Variants in ASXL1 observed in about 807,000 individuals in gnomAD.
The protein encoded by ASXL1 is polycomb group protein ASXL1.
Under a neutral mutation model 89.1 loss-of-function variants are expected in ASXL1, and 65 were observed. The ratio of observed to expected loss-of-function variants is 0.73; its 90% confidence interval spans 0.60 to 0.90. ASXL1 has a LOEUF of 0.90. Among genes scored for constraint, ASXL1 ranks in the 40% least tolerant of loss-of-function variants. The pLI, the probability that ASXL1 is intolerant of heterozygous loss-of-function variation, is 0.00. For synonymous variants in ASXL1, 739 were observed against 746.9 expected (o/e 0.99, Z 0.17); for missense variants, 1,786 against 1,942.9 (o/e 0.92, Z 1.52).
At chr20:32,383,793 C>G (rs2048530506) in intron 4 of ASXL1, among the ~76,000 whole-genome samples, 1 of 152,102 alleles carries the variant, frequency 6.6e-6, no homozygotes, top group Non-Finnish European at 1.5e-5. Flanking sequence ...CGCTAGTATC[C>G]CATGAAATGG....
chr20:32,433,437 G>C lies in ASXL1; in HGVS notation c.1239G>C (p.Arg413=). Reference sequence around the variant, plus strand: ...ATGGGCATTTTAAGAAACGCTCTCGGCCAGATCTCCGAACCAGAGCCAGAA... The same window carrying C: ...ATGGGCATTTTAAGAAACGCTCTCGCCCAGATCTCCGAACCAGAGCCAGAA... ...QRDGHFKKRS[R]PDLRTRARRN... Residue 413 remains arginine (R), a synonymous_variant, in exon 12 of 13, where the codon CGG becomes CGC. Coordinates refer to ENST00000375687, the MANE Select transcript of ASXL1 (RefSeq NM_015338.6). 1 of 1,614,164 alleles carries C rather than the reference G, an allele frequency of 6.2e-7. No individual in the cohort carries two copies. The highest frequency in any genetic ancestry group is 8.5e-7 in the Non-Finnish European group (1 of 1,180,038).
chr20:32,432,787 A>T, intron 10 of ASXL1, 93 bp from the exon 11 acceptor site: 1 of 1,445,208 alleles, frequency 6.9e-7, no homozygotes, highest in South Asian at 1.2e-5. Context: ...TTTAGAAGAG[A>T]CGTGTTGTTT....
At chr20:32,401,057 C>T (rs890737565) in intron 4 of ASXL1, among the ~76,000 whole-genome samples, 2 of 152,098 alleles carry the variant, frequency 1.3e-5, no homozygotes, top group Admixed American at 1.3e-4. Flanking sequence ...TCTGAGGTGT[C>T]TTTCACCCAC....
chr20:32,437,119 A>G lies in ASXL1; in HGVS notation c.4407A>G (p.Gly1469=), dbSNP rs751551731. 73 of 1,614,042 alleles carry G rather than the reference A, an allele frequency of 4.5e-5. No homozygotes were observed. Among genetic ancestry groups the G allele is most frequent in the Non-Finnish European group, 6.1e-5 (72 of 1,180,040 alleles). ...SSPTFPKGLA[G]SVVQLSHKAN... is the part of the protein sequence containing the mutation. ...CCACCTTTCCCAAAGGCCTTGCTGG[A>G]AGTGTGGTGCAGCTGAGCCACAAAG... The change falls in exon 13 of 13, where the codon GGA becomes GGG. Residue 1469 remains glycine, a synonymous_variant. Coordinates refer to ENST00000375687, the MANE Select transcript of ASXL1 (RefSeq NM_015338.6).
chr20:32,397,487 C>T (rs1187712997), intron 4 of ASXL1, among the ~76,000 whole-genome samples: 1 of 145,190 alleles, frequency 6.9e-6, no homozygotes, highest in Admixed American at 7.0e-5. Context: ...GCAGCCACTG[C>T]CTCCCGGGTT....
intron 4 of ASXL1, among the ~76,000 whole-genome samples, chr20:32,397,146 G>A (rs1462201749): frequency 7.2e-6 from 1 of 138,230 alleles, no homozygotes; most frequent in African/African-American, 2.6e-5. Context: ...CCAGGTTCAA[G>A]CAGTTCTCCT....
At chr20:32,361,328 A>T (rs1200549078) in intron 1 of ASXL1, among the ~76,000 whole-genome samples, 2 of 151,900 alleles carry the variant, frequency 1.3e-5, no homozygotes, top group East Asian at 1.9e-4. Context: ...TGGGTGATAG[A>T]GGGAGACCCT....
At chr20:32,387,408 G>T (rs2048598198) in intron 4 of ASXL1, among the ~76,000 whole-genome samples, 1 of 152,144 alleles carries the variant, frequency 6.6e-6, no homozygotes, top group Admixed American at 6.5e-5. Context: ...ATCCTTGATT[G>T]AGGTGTGATG....
chr20:32,363,550 T>C (rs994970202), intron 1 of ASXL1, among the ~76,000 whole-genome samples: 2 of 152,210 alleles, frequency 1.3e-5, no homozygotes, highest in African/African-American at 4.8e-5. Flanking sequence ...TAAACAGATA[T>C]CCCAGTTGCT....
chr20:32,359,781 A>G, intron 1 of ASXL1: 1 of 718,082 alleles, frequency 1.4e-6, no homozygotes, highest in Non-Finnish European at 2.6e-6. Context: ...AGAGCGTCAG[A>G]GGACTTGCAG....
At chr20:32,380,673 C>A (rs1368641719) in intron 4 of ASXL1, among the ~76,000 whole-genome samples, 1 of 152,006 alleles carries the variant, frequency 6.6e-6, no homozygotes, top group Non-Finnish European at 1.5e-5. Flanking sequence ...TTGCTTGAGC[C>A]CAGGAGGTTG....
chr20:32,403,234 C>G (rs1426524015), intron 4 of ASXL1, among the ~76,000 whole-genome samples: 1 of 152,196 alleles, frequency 6.6e-6, no homozygotes, highest in African/African-American at 2.4e-5. Context: ...CCTACGCACA[C>G]TGTTCTGGCT....
chr20:32,395,975 T>G (rs150360231), intron 4 of ASXL1, among the ~76,000 whole-genome samples: 2 of 152,002 alleles, frequency 1.3e-5, no homozygotes, highest in South Asian at 4.1e-4. Context: ...GTTTTTGTAT[T>G]TTTAGTAGAG....
intron 4 of ASXL1, among the ~76,000 whole-genome samples, chr20:32,420,549 T>C (rs931432789): frequency 5.3e-5 from 8 of 152,232 alleles, no homozygotes; most frequent in Admixed American, 1.3e-4. Context: ...GTATACGTTA[T>C]GCATTTTAGA....
intron 4 of ASXL1, among the ~76,000 whole-genome samples, chr20:32,412,050 C>G (rs1181560193): frequency 1.3e-5 from 2 of 152,180 alleles, no homozygotes; most frequent in African/African-American, 2.4e-5. Context: ...AGCCCCACTT[C>G]TAGAATCATC....
At chr20:32,360,491 T>C (rs1359957544) in intron 1 of ASXL1, 1 of 152,428 alleles carries the variant, frequency 6.6e-6, no homozygotes, top group Non-Finnish European at 1.5e-5. Flanking sequence ...GAGTTTTGTG[T>C]GTTCATTGAC....
Position 32,436,079 on chromosome 20 carries a change from C to T in ASXL1, c.3367C>T (p.Pro1123Ser). Residue 1123 changes from proline to serine, a missense_variant, in exon 13 of 13, where the codon CCA becomes TCA. Physicochemically the swap from Pro to Ser is moderately conservative, Grantham distance 74. Around this residue, in one of 3 missense-constraint regions of ASXL1, gnomAD observed 1,418 missense variants for 1,427.8 expected, o/e 0.99. Transcript: ENST00000375687. ...TAGCTTGCCCCTAGAGAAGGTTCTT[C>T]CACCAGCCCACGATGACAGCATGTC... ...QGSLPLEKVL[P>S]PAHDDSMSES... The T allele has an allele frequency of 6.2e-7, 1 of 1,614,178 alleles. No individual in the cohort carries two copies. Among genetic ancestry groups the T allele is most frequent in the Non-Finnish European group, 8.5e-7 (1 of 1,180,032 alleles).
At position 32,358,782 on chromosome 20, in the gene ASXL1, G is replaced by A. The variant is rs1362206875; in HGVS notation, c.7G>A (p.Asp3Asn). MK[D>N]KQKKKKERTW... ...GCCGCCGCCGGGGAGAAGGATGAAG[G>A]ACAAACAGAAGAAGAAGAAGGAGCG... The change falls in exon 1 of 13, where the codon GAC becomes AAC. Residue 3 changes from aspartate (D) to asparagine (N), a missense_variant. Physicochemically the swap from Asp to Asn is conservative, Grantham distance 23. This residue lies in a region of ASXL1 where 332 missense variants were observed against 449.7 expected (regional missense o/e 0.74). Coordinates refer to ENST00000375687, the MANE Select transcript of ASXL1 (RefSeq NM_015338.6). 2 of 1,505,818 alleles carry A rather than the reference G, an allele frequency of 1.3e-6. No individual in the cohort carries two copies. The highest frequency in any genetic ancestry group is 1.2e-5 in the South Asian group (1 of 80,694). The allele number at this position is 1,505,818 out of a possible 1,614,324, so 93.3% of individuals were successfully genotyped here.
intron 4 of ASXL1, chr20:32,427,923 A>T (rs1186359169): frequency 1.5e-6 from 1 of 672,964 alleles, no homozygotes; most frequent in African/African-American, 1.8e-5. Context: ...TGTTTAATGA[A>T]TGTTTGAATG....
Sources: gnomAD v4.1 joint callset for allele counts (sites outside exome capture counted in the v4.1 genomes callset) on GRCh38, gnomAD v4.1.1 for gene constraint, gnomAD v4.1.1 regional missense constraint, MANE v1.5 for transcripts, NCBI Gene and HGNC (gene_info 2026-07-23, HGNC 2026-07-21) for gene names.